Variants in ZEB2 observed in about 807,000 individuals in gnomAD.
The protein encoded by ZEB2 is zinc finger E-box-binding homeobox 2.
Under a neutral mutation model 99.9 loss-of-function variants are expected in ZEB2, and 6 were observed. The observed-to-expected ratio is 0.06, with a 90% CI of 0.03 to 0.12. The LOEUF is 0.12. ZEB2 is among the 10% of genes least tolerant of loss of function. The pLI is 1.00. For synonymous variants in ZEB2, 517 were observed against 542.5 expected, an observed-to-expected ratio of 0.95 and a Z score of 0.65; for missense variants, 969 against 1,502.8, an observed-to-expected ratio of 0.64 and a Z score of 5.87.
rs887307092 is a variant in ZEB2 at position 144,463,672 on chromosome 2, TA to T, written c.74-33647del. 361 of 144,934 alleles carry T rather than the reference TA, an allele frequency of 2.5e-3. 3 individuals carry two copies. Among genetic ancestry groups the T allele is most frequent in the African/African-American group, 7.6e-3 (301 of 39,618 alleles). 9.0% of individuals were successfully genotyped at this position (144,934 alleles called of 1,614,324 possible). ...AGTGAGACCCCGTCTCTACAAAAAA[TA>T]AAAAAAAAAATTATCTGGGCATGGT... is the stretch of plus-strand genomic sequence containing the variant. On this transcript the variant is annotated intron_variant, in intron 2 of 9. Coordinates refer to ENST00000627532, the MANE Select transcript of ZEB2 (RefSeq NM_014795.4).
At chr2:144,517,829 C>T in intron 1 of ZEB2, 2 of 579,282 alleles carry the variant, frequency 3.5e-6, no homozygotes, top group Non-Finnish European at 3.1e-6. Context: ...CTTTTCTCAT[C>T]CCCCCACCCC....
intron 4 of ZEB2, among the ~76,000 whole-genome samples, chr2:144,411,864 G>A (rs1703468925): frequency 6.6e-6 from 1 of 152,166 alleles, no homozygotes; most frequent in Admixed American, 6.5e-5. Flanking sequence ...TAAACAGCAG[G>A]AGATCTTACA....
intron 4 of ZEB2, among the ~76,000 whole-genome samples, chr2:144,423,313 C>G (rs1247946232): frequency 6.6e-6 from 1 of 152,158 alleles, no homozygotes; most frequent in Non-Finnish European, 1.5e-5. Context: ...TAACATTTAT[C>G]TTTAAAAGGA....
At chr2:144,471,492 T>C (rs1353398736) in intron 2 of ZEB2, among the ~76,000 whole-genome samples, 1 of 151,708 alleles carries the variant, frequency 6.6e-6, no homozygotes, top group Non-Finnish European at 1.5e-5. Context: ...AGGTAGTTAT[T>C]GTCATGCACA....
In ZEB2 at chr2:144,388,148, C is replaced by T. The variant is rs1703108652; in HGVS notation, c.*1303G>A. 1 of 152,404 alleles carries T rather than the reference C, an allele frequency of 6.6e-6. No individual in the cohort carries two copies. The highest frequency in any genetic ancestry group is 1.5e-5 in the Non-Finnish European group (1 of 67,986). 9.4% of individuals were successfully genotyped at this position (152,404 alleles called of 1,614,324 possible). ...GGTATCATACATTGTATTTAACAGT[C>T]CCTCTTTTTAGCTAAAAAACAAGAT... is the stretch of plus-strand genomic sequence containing the variant. On this transcript the variant is annotated 3_prime_UTR_variant, in exon 10 of 10. Coordinates refer to ENST00000627532, the MANE Select transcript of ZEB2 (RefSeq NM_014795.4). This position sits in a 1 kb window ranked among gnomAD's most constrained non-coding sequence, Gnocchi z 5.4.
At chr2:144,412,281 G>T (rs1703475785) in intron 4 of ZEB2, among the ~76,000 whole-genome samples, 1 of 152,182 alleles carries the variant, frequency 6.6e-6, no homozygotes. Context: ...CACACACAAA[G>T]AAAAATTCCC....
intron 2 of ZEB2, among the ~76,000 whole-genome samples, chr2:144,499,818 T>C (rs1704843944): frequency 6.6e-6 from 1 of 152,288 alleles, no homozygotes; most frequent in Non-Finnish European, 1.5e-5. Flanking sequence ...GTGTACAATT[T>C]TGACCCGTGT....
At position 144,385,122 on chromosome 2, in the gene ZEB2, T is replaced by G. The variant is rs1166965191; in HGVS notation, c.*4329A>C. 1 of 152,150 alleles carries G rather than the reference T, an allele frequency of 6.6e-6. No homozygotes were observed. The highest frequency in any genetic ancestry group is 1.5e-5 in the Non-Finnish European group (1 of 68,008). The allele number at this position is 152,150 out of a possible 1,614,324, so 9.4% of individuals were successfully genotyped here. A position where few individuals can be genotyped will look rare whatever the true frequency, so the allele number is the denominator to read the frequency against. ...TTGCATGTATAAAATTTTTCAGAAT[T>G]TATAGGAGTGCTTATATAAGCGATA... On this transcript the variant is annotated 3_prime_UTR_variant, in exon 10 of 10. Transcript: ENST00000627532.
intron 2 of ZEB2, among the ~76,000 whole-genome samples, chr2:144,449,138 T>G (rs932328441): frequency 1.3e-5 from 2 of 152,190 alleles, no homozygotes; most frequent in Non-Finnish European, 2.9e-5. Context: ...TGAGCTGGCA[T>G]AACTGCCCTT....
intron 2 of ZEB2, among the ~76,000 whole-genome samples, chr2:144,503,409 G>A (rs956689770): frequency 6.6e-6 from 1 of 152,144 alleles, no homozygotes; most frequent in African/African-American, 2.4e-5. Flanking sequence ...AAACTGTGCC[G>A]TCACACCACT....
At chr2:144,442,798 A>G (rs1403358353) in intron 2 of ZEB2, among the ~76,000 whole-genome samples, 1 of 152,120 alleles carries the variant, frequency 6.6e-6, no homozygotes, top group African/African-American at 2.4e-5. Context: ...AACTTACAAC[A>G]CTGATATCAG....
chr2:144,490,677 C>T (rs763216290), intron 2 of ZEB2, among the ~76,000 whole-genome samples: 19 of 152,160 alleles, frequency 1.2e-4, no homozygotes, highest in Admixed American at 5.2e-4. Flanking sequence ...GTGCTTTCTG[C>T]AACTTTGACA....
intron 9 of ZEB2, among the ~76,000 whole-genome samples, chr2:144,393,101 C>T (rs186676851): frequency 1.1e-3 from 172 of 152,272 alleles, no homozygotes; most frequent in Non-Finnish European, 2.1e-3. Flanking sequence ...TTTTAGAATA[C>T]AAATGAGTTC....
intron 9 of ZEB2, chr2:144,390,550 G>A (rs1384299204): frequency 9.8e-6 from 2 of 205,102 alleles, no homozygotes; most frequent in Non-Finnish European, 1.0e-5. Context: ...AGGAGGGAGT[G>A]GAAGAAACAG....
intron 2 of ZEB2, among the ~76,000 whole-genome samples, chr2:144,434,956 T>G (rs1703817774): frequency 6.6e-6 from 1 of 152,146 alleles, no homozygotes. Flanking sequence ...TTTATGAGGT[T>G]GTCATAGGAG....
At chr2:144,456,920 G>A (rs142991940) in intron 2 of ZEB2, among the ~76,000 whole-genome samples, 65 of 152,164 alleles carry the variant, frequency 4.3e-4, no homozygotes, top group Non-Finnish European at 7.9e-4. Context: ...ACCTGACCTC[G>A]AAGTTTCCCT....
chr2:144,492,153 T>C (rs1405106842), intron 2 of ZEB2, among the ~76,000 whole-genome samples: 1 of 152,138 alleles, frequency 6.6e-6, no homozygotes, highest in African/African-American at 2.4e-5. Flanking sequence ...CTAAAAAAGA[T>C]GATGGGAACA....
chr2:144,404,228 C>T, intron 5 of ZEB2, 98 bp from the exon 6 acceptor site: 1 of 1,331,814 alleles, frequency 7.5e-7, no homozygotes, highest in Admixed American at 1.9e-5. Context: ...TGACAGGAAT[C>T]ACTGCAATCT....
intron 4 of ZEB2, among the ~76,000 whole-genome samples, chr2:144,412,273 C>A (rs1261782929): frequency 3.3e-5 from 5 of 152,216 alleles, no homozygotes; most frequent in Non-Finnish European, 7.3e-5. Flanking sequence ...CCATCTCACA[C>A]ACACAAAGAA....
Sources: gnomAD v4.1 joint callset for allele counts (sites outside exome capture counted in the v4.1 genomes callset) on GRCh38, gnomAD v4.1.1 for gene constraint, Gnocchi (gnomAD v3.1) non-coding constraint, MANE v1.5 for transcripts, NCBI Gene and HGNC (gene_info 2026-07-23, HGNC 2026-07-21) for gene names.